Variants in MACO1 observed in about 807,000 individuals in gnomAD.
The protein encoded by MACO1 is macoilin.
A neutral mutation model predicts 78.7 loss-of-function variants in MACO1; 14 were observed. The ratio of observed to expected loss-of-function variants is 0.18; its 90% CI spans 0.12 to 0.28. The LOEUF (loss-of-function observed/expected upper bound fraction) is 0.28. Among genes scored for constraint, MACO1 ranks in the 10% least tolerant of loss-of-function variants. The pLI is 1.00. For synonymous variants in MACO1, 288 were observed against 291.6 expected, an observed-to-expected ratio of 0.99 and a Z score of 0.12; for missense variants, 501 against 799.0, an observed-to-expected ratio of 0.63 and a Z score of 4.50.
At chr1:25,470,684 TG>T (rs1217378802) in intron 6 of MACO1, among the ~76,000 whole-genome samples, 2 of 151,646 alleles carry the variant, frequency 1.3e-5, no homozygotes, top group Non-Finnish European at 2.9e-5. Context: ...TAAAGTGGGG[TG>T]GGGAGGGGGC....
rs568637175 is a variant in MACO1 at position 25,496,735 on chromosome 1, C to G, written c.1793-1529C>G. Among the ~76,000 whole-genome samples, 100 of 150,522 alleles carry G rather than the reference C, an allele frequency of 6.6e-4. 2 individuals are homozygous for G. The South Asian group carries it at 0.02, about 30-fold the overall frequency. ...AAAGGGTAGACACAGTGTCTGCCCTCATGGAACTCATGGTCCAGCAGAGAG... is the reference window on the plus strand; with the variant it reads ...AAAGGGTAGACACAGTGTCTGCCCTGATGGAACTCATGGTCCAGCAGAGAG... On this transcript the variant is annotated intron_variant, in intron 10 of 10. Coordinates refer to ENST00000374343, the MANE Select transcript of MACO1 (RefSeq NM_018202.6).
intron 6 of MACO1, among the ~76,000 whole-genome samples, chr1:25,465,935 A>C (rs1323936012): frequency 6.6e-6 from 1 of 152,256 alleles, no homozygotes; most frequent in African/African-American, 2.4e-5. Flanking sequence ...GCTGCAAAAG[A>C]CATAATTTCA....
At chr1:25,462,433 T>C (rs534932597) in intron 6 of MACO1, among the ~76,000 whole-genome samples, 1 of 152,276 alleles carries the variant, frequency 6.6e-6, no homozygotes, top group South Asian at 2.1e-4. Flanking sequence ...AGGAAGGTTT[T>C]TCAGCCCTTG....
At chr1:25,458,340 A>G in intron 5 of MACO1, 51 bp from the exon 6 acceptor site, 1 of 1,529,282 alleles carries the variant, frequency 6.5e-7, no homozygotes, top group Non-Finnish European at 8.7e-7. Flanking sequence ...TTAAACAACT[A>G]AATATTCCGG....
intron 2 of MACO1, 125 bp downstream of exon 2, chr1:25,447,028 CTCTAAACTATTTTG>C (rs1194417750): frequency 1.0e-5 from 12 of 1,185,928 alleles, no homozygotes; most frequent in Non-Finnish European, 1.4e-5. Context: ...TGAAATTGAC[CTCTAAACTATTTTG>C]TCTAAACCCA....
rs2043096110 is a variant in MACO1 at position 25,454,391 on chromosome 1, T to G, written c.473+9T>G. On this transcript the variant is annotated intron_variant, in intron 4 of 10. Coordinates refer to ENST00000374343, the MANE Select transcript of MACO1 (RefSeq NM_018202.6). ...CCATTTGCTGCTCACTGGTAAGTAT[T>G]ACATAAATGTATGTGTGTGTGTGTG... is the stretch of plus-strand genomic sequence containing the variant. The G allele has an allele frequency of 1.3e-6, 2 of 1,587,670 alleles. No individual in the cohort carries two copies. The highest frequency in any genetic ancestry group is 2.7e-5 in the African/African-American group (2 of 73,266).
chr1:25,454,002 A>G (rs2124582314), intron 3 of MACO1, among the ~76,000 whole-genome samples: 1 of 152,150 alleles, frequency 6.6e-6, no homozygotes, highest in East Asian at 1.9e-4. Context: ...AGCTCTTTGT[A>G]TGTCAGGGCT....
At chr1:25,434,133 CATT>C (rs1158740141) in intron 1 of MACO1, among the ~76,000 whole-genome samples, 6 of 152,104 alleles carry the variant, frequency 3.9e-5, no homozygotes, top group African/African-American at 1.4e-4. Flanking sequence ...TAATTTTAGA[CATT>C]ATGTTAATGT....
chr1:25,494,564 A>T (rs2043518215), intron 10 of MACO1, among the ~76,000 whole-genome samples: 1 of 152,098 alleles, frequency 6.6e-6, no homozygotes, highest in Non-Finnish European at 1.5e-5. Context: ...TTAAGCGGGA[A>T]ATCTCCCTCC....
intron 10 of MACO1, among the ~76,000 whole-genome samples, chr1:25,492,412 G>T (rs2043494262): frequency 6.6e-6 from 1 of 152,086 alleles, no homozygotes; most frequent in African/African-American, 2.4e-5. Context: ...CCTTGAGTAG[G>T]TAGTATTTGA....
chr1:25,450,876 C>G (rs1384009993), intron 3 of MACO1, among the ~76,000 whole-genome samples: 3 of 152,182 alleles, frequency 2.0e-5, no homozygotes, highest in Non-Finnish European at 4.4e-5. Context: ...GTGTAGTAAT[C>G]TAAATAATGG....
Position 25,489,176 on chromosome 1 carries a change from A to T in MACO1, c.1500A>T (p.Gly500=), listed in dbSNP as rs2124611218. 1 of 1,613,366 alleles carries T rather than the reference A, an allele frequency of 6.2e-7. No individual in the cohort carries two copies. The highest frequency in any genetic ancestry group is 1.7e-5 in the Admixed American group (1 of 59,932). Residue 500 remains glycine, a synonymous_variant, in exon 9 of 11, where the codon GGA becomes GGT. Coordinates refer to ENST00000374343, the MANE Select transcript of MACO1 (RefSeq NM_018202.6). ...RAVAFAAASR[G]ECTETLRNRI... is the part of the protein sequence containing the mutation. ...TCCTTCTCTTCTTTTTCAAAAGGGG[A>T]GAATGCACCGAAACCTTACGGAATC...
In MACO1 at chr1:25,498,567, G is replaced by A; in HGVS notation, c.*101G>A. The A allele has an allele frequency of 2.7e-6, 3 of 1,130,702 alleles. No homozygotes were observed. Among genetic ancestry groups the A allele is most frequent in the Non-Finnish European group, 3.8e-6 (3 of 788,642 alleles). The allele number at this position is 1,130,702 out of a possible 1,614,324, so 70.0% of individuals were successfully genotyped here. ...AAAAAAACAGTTTCTATTGTATTTTGTGGAACTGTATCTGTTGTCATTTTT... is the reference window on the plus strand; with the variant it reads ...AAAAAAACAGTTTCTATTGTATTTTATGGAACTGTATCTGTTGTCATTTTT... On this transcript the variant is annotated 3_prime_UTR_variant, in exon 11 of 11. Coordinates refer to ENST00000374343, the MANE Select transcript of MACO1 (RefSeq NM_018202.6).
intron 3 of MACO1, among the ~76,000 whole-genome samples, chr1:25,451,515 A>G (rs2043065774): frequency 6.6e-6 from 1 of 152,150 alleles, no homozygotes; most frequent in Non-Finnish European, 1.5e-5. Flanking sequence ...AAATTAATAT[A>G]GAGAATAGGG....
intron 1 of MACO1, among the ~76,000 whole-genome samples, chr1:25,442,813 A>T (rs2042984167): frequency 6.6e-6 from 1 of 152,226 alleles, no homozygotes. Flanking sequence ...TCGGAAGCTT[A>T]CAAGACCATC....
intron 1 of MACO1, 114 bp from the exon 2 acceptor site, chr1:25,446,647 GT>G: frequency 9.6e-7 from 1 of 1,043,028 alleles, no homozygotes; most frequent in Non-Finnish European, 1.3e-6. Flanking sequence ...TATCTCCATT[GT>G]TTTCATGATA....
At chr1:25,447,018 T>C in intron 2 of MACO1, 115 bp downstream of exon 2, 2 of 1,262,438 alleles carry the variant, frequency 1.6e-6, no homozygotes, top group Non-Finnish European at 2.1e-6. Context: ...GTCTGTTAAC[T>C]GAAATTGACC....
intron 1 of MACO1, among the ~76,000 whole-genome samples, chr1:25,439,601 A>G (rs1206698503): frequency 6.6e-6 from 1 of 152,036 alleles, no homozygotes; most frequent in Non-Finnish European, 1.5e-5. Context: ...GATTTTATAC[A>G]AGGAGGTGCC....
intron 1 of MACO1, among the ~76,000 whole-genome samples, chr1:25,443,219 A>G (rs889059260): frequency 6.6e-6 from 1 of 152,194 alleles, no homozygotes; most frequent in South Asian, 2.1e-4. Context: ...ACTTCTGTAC[A>G]TGTACCTACA....
Sources: allele counts gnomAD v4.1 joint callset (sites outside exome capture counted in the v4.1 genomes callset), GRCh38; gene constraint gnomAD v4.1.1; transcripts MANE v1.5; gene names NCBI Gene and HGNC (gene_info 2026-07-23, HGNC 2026-07-21).